The following PEX13 variants were observed in gnomAD, a reference collection of about 807,000 sequenced individuals.
The protein encoded by PEX13 is peroxisome biogenesis factor 13.
PEX13 carries 28 observed loss-of-function variants against 34.5 expected under a neutral mutation model. That is an observed-to-expected ratio of 0.81 (90% CI 0.60 to 1.11). The LOEUF (loss-of-function observed/expected upper bound fraction) is 1.11. Ranked by LOEUF, PEX13 falls within the 50% of genes most tolerant of loss-of-function variation. The probability of loss-of-function intolerance (pLI) is 0.00; values close to 1 mark genes in which losing one functional copy is unlikely to be tolerated. For missense variants in PEX13, 550 were observed against 491.0 expected (o/e 1.12, Z -1.13); for synonymous variants, 177 against 175.1 (o/e 1.01, Z -0.09).
At chr2:61,040,691 C>A (rs1249045564) in intron 2 of PEX13, among the ~76,000 whole-genome samples, 2 of 151,058 alleles carry the variant, frequency 1.3e-5, no homozygotes, top group African/African-American at 4.9e-5. Flanking sequence ...ACCTCTGTAA[C>A]AAACCGGCAC....
chr2:61,024,815 A>G (rs1421777983), intron 1 of PEX13, among the ~76,000 whole-genome samples: 1 of 152,136 alleles, frequency 6.6e-6, no homozygotes, highest in African/African-American at 2.4e-5. Context: ...TCTAAGAACA[A>G]AAACAAAAAC....
chr2:61,040,826 T>C (rs977921495), intron 2 of PEX13, among the ~76,000 whole-genome samples: 3 of 147,980 alleles, frequency 2.0e-5, no homozygotes, highest in African/African-American at 4.9e-5. Context: ...ATATATAATA[T>C]ATGTGTATAT....
intron 1 of PEX13, among the ~76,000 whole-genome samples, chr2:61,022,281 A>C (rs1323957380): frequency 6.6e-6 from 1 of 152,210 alleles, no homozygotes; most frequent in East Asian, 1.9e-4. Context: ...AAAAACCTTG[A>C]AAAAAGGTTA....
chr2:61,036,122 C>T lies in PEX13; in HGVS notation c.787+4009C>T, dbSNP rs185466843. 3.8e-4 allele frequency among the ~76,000 whole-genome samples: 57 copies of T among 151,868 alleles called. No homozygotes were observed. In the East Asian group the frequency reaches 9.3e-3, roughly 25 times the overall value. On this transcript the variant is annotated intron_variant, in intron 2 of 3. Coordinates refer to ENST00000295030, the MANE Select transcript of PEX13 (RefSeq NM_002618.4). Reference sequence around the variant, plus strand: ...AAATGAACAAAGCCTCCAAGAAATACGGGACTATGTGAAAAGACCAAATCT... The same window carrying T: ...AAATGAACAAAGCCTCCAAGAAATATGGGACTATGTGAAAAGACCAAATCT...
intron 1 of PEX13, among the ~76,000 whole-genome samples, chr2:61,020,486 G>A (rs975764131): frequency 6.6e-6 from 1 of 152,096 alleles, no homozygotes; most frequent in Admixed American, 6.6e-5. Context: ...TGTGTAGCCA[G>A]TTCTGTCATT....
chr2:61,017,890 C>G, intron 1 of PEX13, 39 bp downstream of exon 1: 1 of 1,534,806 alleles, frequency 6.5e-7, no homozygotes, highest in Non-Finnish European at 8.8e-7. Flanking sequence ...TTTAGTGGGC[C>G]CGAGCGGGGA....
intron 2 of PEX13, among the ~76,000 whole-genome samples, chr2:61,039,750 A>G (rs1339271832): frequency 6.6e-6 from 1 of 152,244 alleles, no homozygotes; most frequent in Non-Finnish European, 1.5e-5. Context: ...ATGGGATCTA[A>G]TTAAACTAAA....
At chr2:61,038,969 A>G (rs1448260883) in intron 2 of PEX13, among the ~76,000 whole-genome samples, 1 of 152,192 alleles carries the variant, frequency 6.6e-6, no homozygotes, top group Non-Finnish European at 1.5e-5. Flanking sequence ...GTAATAGCCA[A>G]ATCATGAGTG....
At chr2:61,018,102 C>G in intron 1 of PEX13, 1 of 1,544,288 alleles carries the variant, frequency 6.5e-7, no homozygotes. Context: ...CTCTGGGTCT[C>G]TGTGCTTGAA....
intron 1 of PEX13, chr2:61,018,315 G>GA: frequency 1.3e-6 from 2 of 1,548,822 alleles, no homozygotes; most frequent in Non-Finnish European, 1.7e-6. Flanking sequence ...TACGCAACAG[G>GA]AACTCAAGCC....
intron 2 of PEX13, among the ~76,000 whole-genome samples, chr2:61,034,402 G>A (rs1026558635): frequency 2.0e-5 from 3 of 152,222 alleles, no homozygotes; most frequent in South Asian, 2.1e-4. Context: ...CGCAGAAGGC[G>A]GGTGATATCT....
chr2:61,023,072 A>G (rs1269482184), intron 1 of PEX13, among the ~76,000 whole-genome samples: 1 of 151,474 alleles, frequency 6.6e-6, no homozygotes, highest in Non-Finnish European at 1.5e-5. Context: ...TGGTGCAGTC[A>G]TGGCTCACTG....
chr2:61,022,741 C>T (rs564692787), intron 1 of PEX13, among the ~76,000 whole-genome samples: 2 of 152,184 alleles, frequency 1.3e-5, no homozygotes, highest in South Asian at 2.1e-4. Context: ...GTGGTGTGTG[C>T]CTGTAGTCCT....
chr2:61,028,964 C>T (rs1449196084), intron 1 of PEX13, among the ~76,000 whole-genome samples: 2 of 152,080 alleles, frequency 1.3e-5, no homozygotes, highest in Non-Finnish European at 2.9e-5. Flanking sequence ...GGAAGGATTG[C>T]TTGAACCCAG....
At chr2:61,045,541 A>G (rs1026458566) in intron 2 of PEX13, among the ~76,000 whole-genome samples, 185 bp from the exon 3 acceptor site, 1 of 152,224 alleles carries the variant, frequency 6.6e-6, no homozygotes, top group Non-Finnish European at 1.5e-5. Context: ...AAGAAAGGAA[A>G]AAGTTCATAA....
At chr2:61,018,342 C>A (rs1680154286) in intron 1 of PEX13, 3 of 1,516,174 alleles carry the variant, frequency 2.0e-6, no homozygotes, top group Non-Finnish European at 2.7e-6. Context: ...ACTTTGCATT[C>A]TTTTCCAGCA....
At chr2:61,023,946 G>A (rs1680309405) in intron 1 of PEX13, among the ~76,000 whole-genome samples, 1 of 151,952 alleles carries the variant, frequency 6.6e-6, no homozygotes, top group Non-Finnish European at 1.5e-5. Context: ...ACAGGTAAGT[G>A]CCACAACGCC....
intron 2 of PEX13, among the ~76,000 whole-genome samples, chr2:61,034,222 C>T (rs1680497777): frequency 2.6e-5 from 4 of 152,152 alleles, no homozygotes; most frequent in African/African-American, 9.7e-5. Context: ...GTCTCAAACT[C>T]CTGAGCTCAG....
At chr2:61,036,336 C>G (rs901306796) in intron 2 of PEX13, among the ~76,000 whole-genome samples, 1 of 152,134 alleles carries the variant, frequency 6.6e-6, no homozygotes, top group African/African-American at 2.4e-5. Flanking sequence ...TTGTCAGATT[C>G]ACCAAGGTTG....
Sources: allele counts gnomAD v4.1 joint callset (sites outside exome capture counted in the v4.1 genomes callset), GRCh38; gene constraint gnomAD v4.1.1; transcripts MANE v1.5; gene names NCBI Gene and HGNC (gene_info 2026-07-23, HGNC 2026-07-21).